The following GSE1 variants were observed in gnomAD, a reference collection of about 807,000 sequenced individuals.
The protein encoded by GSE1 is genetic suppressor element 1.
In GSE1, 32 loss-of-function variants were observed where a neutral mutation model predicts 112.6. That is an observed-to-expected ratio of 0.28 (90% CI 0.21 to 0.38). The LOEUF (loss-of-function observed/expected upper bound fraction) is 0.38, where lower values mean the gene tolerates loss of function less well. Ranked by LOEUF, GSE1 falls within the 10% of genes least tolerant of loss-of-function variation. The pLI is 1.00. For missense variants in GSE1, 2,348 were observed against 1,699.2 expected, an observed-to-expected ratio of 1.38 and a Z score of -6.71; for synonymous variants, 1,115 against 735.6, an observed-to-expected ratio of 1.52 and a Z score of -8.35.
chr16:85,475,402 C>T (rs527465804), intron 2 of GSE1, among the ~76,000 whole-genome samples: 4 of 152,318 alleles, frequency 2.6e-5, no homozygotes, highest in South Asian at 2.1e-4. Flanking sequence ...TGCAGGCAGG[C>T]GGACCGTGTT....
intron 2 of GSE1, among the ~76,000 whole-genome samples, chr16:85,404,115 CTGTTA>C: frequency 8.5e-6 from 1 of 117,482 alleles, no homozygotes; most frequent in Non-Finnish European, 1.9e-5. Flanking sequence ...ATAATCCTCA[CTGTTA>C]CACTCAGGGC....
intron 1 of GSE1, among the ~76,000 whole-genome samples, chr16:85,300,923 G>C (rs2045506042): frequency 6.6e-6 from 1 of 152,222 alleles, no homozygotes; most frequent in Non-Finnish European, 1.5e-5. Flanking sequence ...GGGGGGAGTG[G>C]GGACTGGGGG....
chr16:85,351,351 A>G (rs566453676), intron 1 of GSE1, among the ~76,000 whole-genome samples: 1 of 152,332 alleles, frequency 6.6e-6, no homozygotes, highest in East Asian at 1.9e-4. Context: ...ACACACTACA[A>G]CATGACAAAC....
intron 10 of GSE1, 57 bp downstream of exon 10, chr16:85,663,150 C>T: frequency 3.0e-6 from 4 of 1,315,724 alleles, no homozygotes; most frequent in Non-Finnish European, 4.4e-6. Flanking sequence ...TTCCTAGCGT[C>T]CACACCCTGC....
At chr16:85,269,447 AGTGTGT>A (rs35293678) in intron 1 of GSE1, among the ~76,000 whole-genome samples, 5 of 146,188 alleles carry the variant, frequency 3.4e-5, no homozygotes, top group African/African-American at 9.8e-5. Flanking sequence ...TGGGTGTGTG[AGTGTGT>A]GTGTGTGTGT....
intron 1 of GSE1, among the ~76,000 whole-genome samples, chr16:85,297,609 CCAGTCT>C (rs1471212583): frequency 6.6e-6 from 1 of 152,154 alleles, no homozygotes; most frequent in African/African-American, 2.4e-5. Flanking sequence ...ATGTGATCCT[CCAGTCT>C]CAGCCTCCCT....
chr16:85,449,782 T>C (rs1483203076), intron 2 of GSE1, among the ~76,000 whole-genome samples: 1 of 152,216 alleles, frequency 6.6e-6, no homozygotes, highest in Non-Finnish European at 1.5e-5. Flanking sequence ...ACTTCTCTGA[T>C]CCTGTCTCCT....
chr16:85,488,632 G>C (rs185239106), intron 2 of GSE1, among the ~76,000 whole-genome samples: 1 of 152,238 alleles, frequency 6.6e-6, no homozygotes, highest in Non-Finnish European at 1.5e-5. Context: ...GGAAGTTCAA[G>C]GTGCCTCAGG....
Position 85,425,954 on chromosome 16 carries a change from G to A in GSE1, c.2464+68311G>A, listed in dbSNP as rs569801554. Among the ~76,000 whole-genome samples, 7 of 152,230 alleles carry A rather than the reference G, an allele frequency of 4.6e-5. No homozygotes were observed. The South Asian group carries it at 6.2e-4, about 14-fold the overall frequency. On this transcript the variant is annotated intron_variant, in intron 2 of 2. Coordinates refer to the GSE1 transcript ENST00000637419. ...TGTTCAGCTTGTCAGTGGCGAGGCC[G>A]GGATTCAAACTTTAGACAGTCATGC... is the stretch of plus-strand genomic sequence containing the variant.
At chr16:85,583,096 G>C (rs754706897) in intron 1 of GSE1, among the ~76,000 whole-genome samples, 5 of 152,108 alleles carry the variant, frequency 3.3e-5, no homozygotes, top group Non-Finnish European at 5.9e-5. Context: ...ACCCTCCTGC[G>C]AGGGTGGTGT....
chr16:85,399,743 G>C (rs1294827098), intron 2 of GSE1, among the ~76,000 whole-genome samples: 1 of 152,240 alleles, frequency 6.6e-6, no homozygotes, highest in Non-Finnish European at 1.5e-5. Context: ...CACTTGGCGG[G>C]GTGCACATTC....
chr16:85,388,324 A>ATGTATGGCTGGGTAGATGGGTGAG (rs2047744608), intron 2 of GSE1, among the ~76,000 whole-genome samples: 3 of 75,130 alleles, frequency 4.0e-5, no homozygotes, highest in African/African-American at 5.5e-5. Context: ...GGATGGATGG[A>ATGTATGGCTGGGTAGATGGGTGAG]TGGATGAATG....
intron 1 of GSE1, among the ~76,000 whole-genome samples, chr16:85,354,385 A>C (rs756581862): frequency 6.6e-6 from 1 of 152,242 alleles, no homozygotes; most frequent in Non-Finnish European, 1.5e-5. Flanking sequence ...AATCAGTACA[A>C]AGCCCTAGAT....
At chr16:85,359,123 C>G (rs2047012432) in intron 2 of GSE1, among the ~76,000 whole-genome samples, 1 of 152,228 alleles carries the variant, frequency 6.6e-6, no homozygotes, top group Non-Finnish European at 1.5e-5. Flanking sequence ...TCACGCTCAG[C>G]TCTGGGTGGC....
chr16:85,186,002 T>C (rs2074692792), intron 1 of GSE1, among the ~76,000 whole-genome samples: 1 of 152,100 alleles, frequency 6.6e-6, no homozygotes, highest in Non-Finnish European at 1.5e-5. Flanking sequence ...GTGTGCCAGA[T>C]GAGAGTAGAT....
intron 2 of GSE1, among the ~76,000 whole-genome samples, chr16:85,466,684 A>G (rs373292676): frequency 0.03 from 4,470 of 147,984 alleles, 217 homozygotes; most frequent in African/African-American, 0.11. Context: ...TTAAAAAAAA[A>G]AAGAAATATA....
chr16:85,194,684 T>C (rs2074893826), intron 1 of GSE1, among the ~76,000 whole-genome samples: 1 of 152,216 alleles, frequency 6.6e-6, no homozygotes, highest in Non-Finnish European at 1.5e-5. Flanking sequence ...GAGCTTTGGC[T>C]GCAGGACTTA....
At chr16:85,633,807 C>A in intron 1 of GSE1, 107 bp from the exon 2 acceptor site, 3 of 800,384 alleles carry the variant, frequency 3.7e-6, no homozygotes, top group Non-Finnish European at 4.2e-6. Context: ...CCCGGGGCTG[C>A]CCCTGCTCCC....
chr16:85,585,283 G>T (rs1458841205), intron 1 of GSE1, among the ~76,000 whole-genome samples: 1 of 152,196 alleles, frequency 6.6e-6, no homozygotes, highest in East Asian at 1.9e-4. Flanking sequence ...TGGTCCCCAA[G>T]GGCTCCAGGA....
Sources: allele counts gnomAD v4.1 joint callset (sites outside exome capture counted in the v4.1 genomes callset), GRCh38; gene constraint gnomAD v4.1.1; transcripts MANE v1.5; gene names NCBI Gene and HGNC (gene_info 2026-07-23, HGNC 2026-07-21).